RGS12: variants seen among roughly 807,000 people sequenced by gnomAD.
The protein encoded by RGS12 is regulator of G protein signaling 12.
RGS12 carries 66 observed loss-of-function variants against 120.1 expected under a neutral mutation model. That is an observed-to-expected ratio of 0.55 (90% confidence interval 0.45 to 0.67). RGS12 has a LOEUF of 0.67. Among genes scored for constraint, RGS12 ranks in the 30% least tolerant of loss-of-function variants. RGS12 has a pLI of 0.00. For missense variants in RGS12, 1,859 were observed against 1,957.7 expected, an observed-to-expected ratio of 0.95 and a Z score of 0.95; for synonymous variants, 827 against 804.7, an observed-to-expected ratio of 1.03 and a Z score of -0.47.
chr4:3,386,261 T>C, intron 3 of RGS12, 155 bp from the exon 4 acceptor site: 1 of 703,574 alleles, frequency 1.4e-6, no homozygotes, highest in Non-Finnish European at 2.5e-6. Context: ...TCTTGACTCA[T>C]TGGGCCGTCT....
At chr4:3,387,989 G>A (rs1234452462) in intron 4 of RGS12, among the ~76,000 whole-genome samples, 6 of 152,134 alleles carry the variant, frequency 3.9e-5, no homozygotes, top group East Asian at 3.9e-4. Flanking sequence ...GCTCCTCGCC[G>A]TGCTGGCTCT....
At position 3,345,966 on chromosome 4, in the gene RGS12, G is replaced by A. The variant is rs1200288016; in HGVS notation, c.1998+2913G>A. On this transcript the variant is annotated intron_variant, in intron 3 of 17. Transcript: ENST00000336727. ...GAGAATGGGGTTTCTCATGTTGCCC[G>A]GGCAGATCTTGAATTCCTGGGCTCA... 6.6e-5 allele frequency among the ~76,000 whole-genome samples: 10 copies of A among 152,120 alleles called. No individual in the cohort carries two copies. The South Asian group carries it at 1.3e-3, about 19-fold the overall frequency.
chr4:3,403,940 T>C (rs73792028), intron 4 of RGS12, among the ~76,000 whole-genome samples: 11,429 of 152,204 alleles, frequency 0.075, 1,106 homozygotes, highest in African/African-American at 0.23. Context: ...CACACCCCAG[T>C]ATGAGGCTGG....
At chr4:3,427,937 A>T (rs1242167768) in intron 14 of RGS12, among the ~76,000 whole-genome samples, 153 bp from the exon 15 acceptor site, 5 of 151,292 alleles carry the variant, frequency 3.3e-5, no homozygotes, top group Non-Finnish European at 5.9e-5. Flanking sequence ...TCCCATGGGG[A>T]CTCCCCTCAG....
intron 3 of RGS12, among the ~76,000 whole-genome samples, chr4:3,364,289 A>T (rs1019595743): frequency 2.0e-5 from 3 of 152,092 alleles, no homozygotes; most frequent in African/African-American, 7.2e-5. Context: ...ATCTGCCGTA[A>T]CTGTGACTTG....
intron 3 of RGS12, among the ~76,000 whole-genome samples, chr4:3,375,965 CT>C (rs1717645307): frequency 1.3e-5 from 2 of 152,214 alleles, no homozygotes; most frequent in South Asian, 4.1e-4. Flanking sequence ...GGGCCCTTGG[CT>C]TCTGAGACTG....
intron 4 of RGS12, among the ~76,000 whole-genome samples, chr4:3,408,543 G>T (rs1481496184): frequency 6.6e-6 from 1 of 152,210 alleles, no homozygotes; most frequent in South Asian, 2.1e-4. Context: ...CCGGGTGGAC[G>T]TTTTCCGGTA....
In RGS12 at chr4:3,316,383, C is replaced by A; in HGVS notation, c.213C>A (p.Asn71Lys). ...GDQILAVNEI[N>K]VKKASHEDVV... Reference sequence around the variant, plus strand: ...AGATACTTGCTGTCAATGAAATCAACGTGAAAAAAGCATCTCATGAAGATG... The same window carrying A: ...AGATACTTGCTGTCAATGAAATCAAAGTGAAAAAAGCATCTCATGAAGATG... The change falls in exon 2 of 18, where the codon AAC (asparagine) becomes AAA (lysine). Residue 71 changes from asparagine to lysine, a missense_variant. Around this residue, in one of 3 missense-constraint regions of RGS12, gnomAD observed 967 missense variants for 994.2 expected, o/e 0.97. Transcript: ENST00000336727. 4 of 1,613,802 alleles carry A rather than the reference C, an allele frequency of 2.5e-6. No individual in the cohort carries two copies. The highest frequency in any genetic ancestry group is 3.4e-6 in the Non-Finnish European group (4 of 1,179,852).
chr4:3,431,446 G>A, intron 17 of RGS12: 1 of 995,832 alleles, frequency 1.0e-6, no homozygotes, highest in Non-Finnish European at 1.2e-6. Context: ...CCTTGAGAGT[G>A]CAGCTCGGAC....
intron 4 of RGS12, among the ~76,000 whole-genome samples, chr4:3,404,576 C>G (rs1720915381): frequency 6.6e-6 from 1 of 152,174 alleles, no homozygotes; most frequent in African/African-American, 2.4e-5. Flanking sequence ...CCACTGCCAG[C>G]AGGGAGTTAC....
At chr4:3,414,544 C>G in intron 5 of RGS12, 2 of 602,340 alleles carry the variant, frequency 3.3e-6, no homozygotes, top group Non-Finnish European at 5.9e-6. Flanking sequence ...CTGTTGCCAG[C>G]TCTTCAAAGA....
At chr4:3,427,339 C>T (rs112082259) in intron 14 of RGS12, among the ~76,000 whole-genome samples, 2,098 of 152,256 alleles carry the variant, frequency 0.014, 27 homozygotes, top group Non-Finnish European at 0.023. Context: ...GGGGCAGGAG[C>T]GCGACTCCTC....
At chr4:3,398,900 G>A (rs924022590) in intron 4 of RGS12, among the ~76,000 whole-genome samples, 1 of 152,160 alleles carries the variant, frequency 6.6e-6, no homozygotes, top group African/African-American at 2.4e-5. Flanking sequence ...CACACATGCA[G>A]TTGCTACAAA....
At chr4:3,402,505 G>T (rs542322099) in intron 4 of RGS12, among the ~76,000 whole-genome samples, 1 of 152,158 alleles carries the variant, frequency 6.6e-6, no homozygotes, top group African/African-American at 2.4e-5. Context: ...GGAAGCACAG[G>T]TCCCCAGGAC....
Position 3,439,865 on chromosome 4 carries a change from C to T in RGS12, c.*181C>T, listed in dbSNP as rs1725174798. 3 of 561,530 alleles carry T rather than the reference C, an allele frequency of 5.3e-6. No homozygotes were observed. Among genetic ancestry groups the T allele is most frequent in the Non-Finnish European group, 6.0e-6 (2 of 332,838 alleles). 34.8% of individuals were successfully genotyped at this position (561,530 alleles called of 1,614,324 possible). ...CATTCGCCATGCTGGCCATGGGGCTCCCTGGCCCTGGCCTCCTGCTGCCCA... is the reference window on the plus strand; with the variant it reads ...CATTCGCCATGCTGGCCATGGGGCTTCCTGGCCCTGGCCTCCTGCTGCCCA... On this transcript the variant is annotated 3_prime_UTR_variant, in exon 18 of 18. Transcript: ENST00000336727.
chr4:3,427,935 G>A (rs1723831866), intron 14 of RGS12, among the ~76,000 whole-genome samples, 155 bp from the exon 15 acceptor site: 1 of 152,170 alleles, frequency 6.6e-6, no homozygotes, highest in African/African-American at 2.4e-5. Flanking sequence ...TGTCCCATGG[G>A]GACTCCCCTC....
rs1577026861 is a variant in RGS12, at chr4:3,386,161, C to T, written c.1999-255C>T. The T allele has an allele frequency of 1.5e-5, 8 of 550,486 alleles. No homozygotes were observed. The East Asian group carries it at 2.4e-4, about 17-fold the overall frequency. The allele number at this position is 550,486 out of a possible 1,614,324, so 34.1% of individuals were successfully genotyped here. On this transcript the variant is annotated intron_variant, in intron 3 of 17. Transcript: ENST00000336727. Reference sequence around the variant, plus strand: ...GACGCTGTTACTAAGACTGTAATGTCAGACATGTTGGGATCTGTTCTTTTC... The same window carrying T: ...GACGCTGTTACTAAGACTGTAATGTTAGACATGTTGGGATCTGTTCTTTTC...
intron 7 of RGS12, 79 bp downstream of exon 7, chr4:3,416,200 C>T: frequency 3.3e-6 from 5 of 1,517,646 alleles, no homozygotes; most frequent in Non-Finnish European, 4.5e-6. Context: ...AGAACACGTG[C>T]TATCAGGCAG....
chr4:3,316,977 C>T lies in RGS12; in HGVS notation c.807C>T (p.His269=). Residue 269 remains histidine, a synonymous_variant, in exon 2 of 18, where the codon CAC becomes CAT. Transcript: ENST00000336727. ...GCCTGCGGGCAGAGCAGAAAATCCA[C>T]TCGCTGGTGACCATGAAGATCATGC... ...MRRLRAEQKI[H]SLVTMKIMHD... is the part of the protein sequence containing the mutation. The T allele has an allele frequency of 6.2e-7, 1 of 1,613,892 alleles. No individual in the cohort carries two copies. Among genetic ancestry groups the T allele is most frequent in the Non-Finnish European group, 8.5e-7 (1 of 1,180,022 alleles).
Sources: allele counts gnomAD v4.1 joint callset (sites outside exome capture counted in the v4.1 genomes callset), GRCh38; gene constraint gnomAD v4.1.1; regional missense constraint gnomAD v4.1.1; transcripts MANE v1.5; gene names NCBI Gene and HGNC (gene_info 2026-07-23, HGNC 2026-07-21).